The following CTSV variants were observed in gnomAD, a reference collection of about 807,000 sequenced individuals.
CTSV encodes cathepsin L2.
Under a neutral mutation model 35.6 loss-of-function variants are expected in CTSV, and 33 were observed. The ratio of observed to expected loss-of-function variants is 0.93; its 90% CI spans 0.70 to 1.24. CTSV has a LOEUF of 1.24. Among genes scored for constraint, CTSV ranks in the 50% most tolerant of loss-of-function variants. The pLI, the probability that CTSV is intolerant of heterozygous loss-of-function variation, is 0.00. For missense variants in CTSV, 408 were observed against 413.1 expected, an observed-to-expected ratio of 0.99 and a Z score of 0.11; for synonymous variants, 154 against 147.1, an observed-to-expected ratio of 1.05 and a Z score of -0.34.
intron 5 of CTSV, among the ~76,000 whole-genome samples, chr9:97,036,189 G>A (rs1257557022): frequency 3.3e-5 from 5 of 151,884 alleles, no homozygotes; most frequent in Non-Finnish European, 5.9e-5. Context: ...TCCTGCCTCA[G>A]TCTCCTGAGT....
At position 97,032,146 on chromosome 9, in the gene CTSV, C is replaced by T. The variant is rs2119225693; in HGVS notation, c.*803G>A. 1 of 152,346 alleles carries T rather than the reference C, an allele frequency of 6.6e-6. No individual in the cohort carries two copies. The highest frequency in any genetic ancestry group is 2.1e-4 in the South Asian group (1 of 4,822). 9.4% of individuals were successfully genotyped at this position (152,346 alleles called of 1,614,324 possible). On this transcript the variant is annotated 3_prime_UTR_variant, in exon 8 of 8. Transcript: ENST00000259470. ...TTTAGGGGCTGGGCGCAGTGGCTCA[C>T]ATCTGTAATCCCAACACTTTGGGAG...
intron 2 of CTSV, 73 bp from the exon 3 acceptor site, chr9:97,037,688 G>A: frequency 6.3e-7 from 1 of 1,578,384 alleles, no homozygotes; most frequent in Non-Finnish European, 8.6e-7. Context: ...CGATTTGCGG[G>A]CAGAAATGGA....
intron 1 of CTSV, among the ~76,000 whole-genome samples, chr9:97,038,720 G>A (rs867717066): frequency 2.6e-5 from 4 of 152,088 alleles, no homozygotes; most frequent in Non-Finnish European, 2.9e-5. Context: ...CCAGGACCGG[G>A]GCCGCACCGC....
In CTSV at chr9:97,033,007, G is replaced by A. The variant is rs1015588622; in HGVS notation, c.947C>T (p.Ala316Val). The A allele has an allele frequency of 1.9e-6, 3 of 1,613,252 alleles. No individual in the cohort carries two copies. The stretch of plus-strand genomic sequence containing the variant: ...TCCACAGTGGTTGTTCTTGTCTTTG[G>A]CTATTTTTACATAGCCATTCGAGCC... Reference protein sequence around the residue: ...EWGSNGYVKIAKDKNNHCGIA... With the variant: ...EWGSNGYVKIVKDKNNHCGIA... The change falls in exon 8 of 8, where the codon GCC (alanine) becomes GTC (valine). Residue 316 changes from alanine to valine, a missense_variant. Transcript: ENST00000259470.
chr9:97,035,683 C>A lies in CTSV; in HGVS notation c.632G>T (p.Cys211Phe). 6.6e-7 allele frequency: 1 copy of A among 1,525,858 alleles called. No individual in the cohort carries two copies. The highest frequency in any genetic ancestry group is 8.8e-7 in the Non-Finnish European group (1 of 1,131,380). 94.5% of individuals were successfully genotyped at this position (1,525,858 alleles called of 1,614,324 possible). ...SYPYVAVDEI[C>F]KYRPENSVAN... ...AACAGAATTCTCAGGTCTGTACTTA[C>A]AGATTTCATCCTTTTAAAGTTAAAG... Residue 211 changes from cysteine to phenylalanine, a missense_variant, in exon 6 of 8, where the codon TGT becomes TTT. Cys to Phe is a radical substitution (Grantham distance 205). Coordinates refer to ENST00000259470, the MANE Select transcript of CTSV (RefSeq NM_001333.4).
Position 97,037,520 on chromosome 9 carries a change from T to G in CTSV, c.222A>C (p.Thr74=), listed in dbSNP as rs966255726. The G allele has an allele frequency of 3.7e-6, 6 of 1,614,194 alleles. No individual in the cohort carries two copies. In the South Asian group the frequency reaches 6.6e-5, roughly 18 times the overall value. The change falls in exon 3 of 8, where the codon ACA becomes ACC. Residue 74 remains threonine, a synonymous_variant. Transcript: ENST00000259470. The part of the protein sequence containing the change: ...GEYSQGKHGF[T]MAMNAFGDMT... ...TGTCACCAAAAGCATTCATGGCCATTGTGAAGCCATGTTTCCCTTGGCTGT... is the reference window on the plus strand; with the variant it reads ...TGTCACCAAAAGCATTCATGGCCATGGTGAAGCCATGTTTCCCTTGGCTGT...
chr9:97,036,832 TAAAA>T, intron 4 of CTSV, 85 bp from the exon 5 acceptor site: 3 of 892,232 alleles, frequency 3.4e-6, no homozygotes, highest in Non-Finnish European at 4.7e-6. Context: ...TAATATTCTT[TAAAA>T]AAAAAAAAAA....
At position 97,030,065 on chromosome 9, in the gene CTSV, A is replaced by G. The variant is rs775668380; in HGVS notation, c.*2884T>C. 6.6e-5 allele frequency: 10 copies of G among 152,252 alleles called. No individual in the cohort carries two copies. Among genetic ancestry groups the G allele is most frequent in the African/African-American group, 2.4e-4 (10 of 41,472 alleles). The allele number at this position is 152,252 out of a possible 1,614,324, so 9.4% of individuals were successfully genotyped here. A position where few individuals can be genotyped will look rare whatever the true frequency, so the allele number is the denominator to read the frequency against. On this transcript the variant is annotated 3_prime_UTR_variant, in exon 8 of 8. Transcript: ENST00000259470. ...AATCACCCAAGACACATTTCTCAGA[A>G]TGTATCCCCATCATTAAGCAACACA... is the stretch of plus-strand genomic sequence containing the variant.
intron 4 of CTSV, among the ~76,000 whole-genome samples, chr9:97,037,005 G>A (rs1448533190): frequency 6.6e-6 from 1 of 152,042 alleles, no homozygotes; most frequent in Non-Finnish European, 1.5e-5. Flanking sequence ...TACTCGGGAG[G>A]TGGAGGCAGG....
In CTSV at chr9:97,035,677, T is replaced by G; in HGVS notation, c.638A>C (p.Tyr213Ser). 1.3e-6 allele frequency: 2 copies of G among 1,545,980 alleles called. No homozygotes were observed. Among genetic ancestry groups the G allele is most frequent in the Non-Finnish European group, 1.8e-6 (2 of 1,142,780 alleles). Residue 213 changes from tyrosine to serine, a missense_variant, in exon 6 of 8, where the codon TAC becomes TCC. Tyr to Ser is a moderately radical substitution (Grantham distance 144). Coordinates refer to ENST00000259470, the MANE Select transcript of CTSV (RefSeq NM_001333.4). ...ATTAGCAACAGAATTCTCAGGTCTG[T>G]ACTTACAGATTTCATCCTTTTAAAG... ...PYVAVDEICK[Y>S]RPENSVANDT...
upstream of CTSV, chr9:97,039,568 C>G (rs956740879): frequency 6.6e-6 from 1 of 152,116 alleles, no homozygotes; most frequent in African/African-American, 2.4e-5. Context: ...AAAGGTGGGA[C>G]GGAGTGGAAG....
At chr9:97,037,783 T>A in intron 2 of CTSV, 135 bp downstream of exon 2, 1 of 1,369,386 alleles carries the variant, frequency 7.3e-7, no homozygotes, top group Middle Eastern at 2.0e-4. Flanking sequence ...ATGCCCATAT[T>A]GCACCTATAA....
intron 6 of CTSV, 79 bp downstream of exon 6, chr9:97,035,449 G>T: frequency 2.5e-6 from 3 of 1,184,282 alleles, no homozygotes; most frequent in Non-Finnish European, 3.4e-6. Flanking sequence ...TTCCTGCAAA[G>T]CAGGATGTCA....
intron 1 of CTSV, chr9:97,038,308 A>C (rs1481336827): frequency 3.1e-6 from 1 of 324,142 alleles, no homozygotes; most frequent in Non-Finnish European, 5.9e-6. Flanking sequence ...CTGACGGGTG[A>C]GAAGCTTAAG....
At position 97,032,911 on chromosome 9, in the gene CTSV, T is replaced by C; in HGVS notation, c.*38A>G. 6.8e-7 allele frequency: 1 copy of C among 1,473,842 alleles called. No individual in the cohort carries two copies. The highest frequency in any genetic ancestry group is 9.3e-7 in the Non-Finnish European group (1 of 1,073,422). The allele number at this position is 1,473,842 out of a possible 1,614,324, so 91.3% of individuals were successfully genotyped here. A position where few individuals can be genotyped will look rare whatever the true frequency, so the allele number is the denominator to read the frequency against. Reference sequence around the variant, plus strand: ...TTTCAAGATAAAATTTCCCCAGACATGCTGTCCTTAAGTCCTTCCTCCTCA... The same window carrying C: ...TTTCAAGATAAAATTTCCCCAGACACGCTGTCCTTAAGTCCTTCCTCCTCA... On this transcript the variant is annotated 3_prime_UTR_variant, in exon 8 of 8. Coordinates refer to ENST00000259470, the MANE Select transcript of CTSV (RefSeq NM_001333.4).
intron 6 of CTSV, 78 bp downstream of exon 6, chr9:97,035,450 C>A: frequency 8.4e-7 from 1 of 1,189,930 alleles, no homozygotes; most frequent in Non-Finnish European, 1.1e-6. Context: ...TCCTGCAAAG[C>A]AGGATGTCAT....
rs766085977 is a variant in CTSV, at chr9:97,037,982, A to C, written c.62T>G (p.Phe21Cys). The change falls in exon 2 of 8, where the codon TTT (phenylalanine) becomes TGT (cysteine). Residue 21 changes from phenylalanine to cysteine, a missense_variant. Transcript: ENST00000259470. ...CLGIASAVPKFDQNLDTKWYQ... is the reference protein window; with the variant it reads ...CLGIASAVPKCDQNLDTKWYQ... ...CCACTTTGTATCCAAATTTTGGTCAAATTTTGGAACAGCGGAGGCTATTCC... is the reference window on the plus strand; with the variant it reads ...CCACTTTGTATCCAAATTTTGGTCACATTTTGGAACAGCGGAGGCTATTCC... 10 of 1,613,954 alleles carry C rather than the reference A, an allele frequency of 6.2e-6. No individual in the cohort carries two copies. The highest frequency in any genetic ancestry group is 7.6e-6 in the Non-Finnish European group (9 of 1,180,020).
chr9:97,034,667 A>G (rs776746664), intron 7 of CTSV, 59 bp downstream of exon 7: 1 of 1,276,334 alleles, frequency 7.8e-7, no homozygotes, highest in Admixed American at 1.7e-5. Flanking sequence ...GCTTTTGTGA[A>G]CTTGTATCCA....
At chr9:97,038,390 A>G (rs1481397145) in intron 1 of CTSV, 3 of 198,612 alleles carry the variant, frequency 1.5e-5, no homozygotes, top group African/African-American at 7.0e-5. Context: ...TCCAGGCAAA[A>G]CCTCACTAAT....
Sources: gnomAD v4.1 joint callset for allele counts (sites outside exome capture counted in the v4.1 genomes callset) on GRCh38, gnomAD v4.1.1 for gene constraint, MANE v1.5 for transcripts, NCBI Gene and HGNC (gene_info 2026-07-23, HGNC 2026-07-21) for gene names.